The following DMD variants were observed in gnomAD, a reference collection of about 807,000 sequenced individuals.
DMD encodes mutant dystrophin.
Under a neutral mutation model 330.1 loss-of-function variants are expected in DMD, and 63 were observed. That is an observed-to-expected ratio of 0.19 (90% CI 0.16 to 0.24). The LOEUF (loss-of-function observed/expected upper bound fraction) is 0.24, where lower values mean the gene tolerates loss of function less well. Ranked by LOEUF, DMD falls within the 10% of genes least tolerant of loss-of-function variation. DMD has a pLI of 1.00. For synonymous variants in DMD, 1,223 were observed against 959.8 expected (o/e 1.27, Z -5.07); for missense variants, 3,344 against 2,684.1 (o/e 1.25, Z -5.43).
chrX:31,827,920 C>T (rs915749091), intron 49 of DMD, among the ~76,000 whole-genome samples: 6 of 111,494 alleles, frequency 5.4e-5, no homozygotes, highest in Non-Finnish European at 1.1e-4. Context: ...AAAAACAGTG[C>T]TAAGAGGAAA....
intron 53 of DMD, among the ~76,000 whole-genome samples, chrX:31,658,952 T>C (rs1476377365): frequency 3.6e-5 from 4 of 111,708 alleles, no homozygotes; most frequent in Non-Finnish European, 7.5e-5. Context: ...TCAAATTCAA[T>C]AGGATGGGTT....
intron 43 of DMD, among the ~76,000 whole-genome samples, chrX:32,254,191 G>A (rs759703188): frequency 3.6e-5 from 4 of 111,092 alleles, no homozygotes; most frequent in African/African-American, 9.8e-5. Context: ...ACAAGCATGC[G>A]CCAACACGCC....
intron 2 of DMD, among the ~76,000 whole-genome samples, chrX:32,859,496 CACACACACACACACAA>C (rs1358168823): frequency 2.6e-4 from 22 of 85,898 alleles, no homozygotes; most frequent in African/African-American, 1.1e-3. Flanking sequence ...CACACACACA[CACACACACACACACAA>C]GTTAAAGTCT....
At chrX:31,378,706 C>A (rs1012039168) in intron 60 of DMD, among the ~76,000 whole-genome samples, 1 of 108,879 alleles carries the variant, frequency 9.2e-6, no homozygotes, top group African/African-American at 3.4e-5. Flanking sequence ...GGGACAAGAA[C>A]CCCCCACCCC....
At chrX:31,954,550 T>C (rs896145324) in intron 45 of DMD, among the ~76,000 whole-genome samples, 3 of 111,801 alleles carry the variant, frequency 2.7e-5, no homozygotes, top group African/African-American at 9.8e-5. Context: ...TGGGATATTA[T>C]TCAGCCATAC....
At chrX:33,050,807 A>G (rs1261195602) in intron 1 of DMD, among the ~76,000 whole-genome samples, 1 of 112,296 alleles carries the variant, frequency 8.9e-6, no homozygotes, top group Non-Finnish European at 1.9e-5. Context: ...ACAAGATAAA[A>G]ATGTGTTTCT....
chrX:32,315,997 A>G, intron 41 of DMD, among the ~76,000 whole-genome samples: 3 of 111,644 alleles, frequency 2.7e-5, no homozygotes, highest in Middle Eastern at 9.1e-3. Flanking sequence ...TAAATAATGA[A>G]GAAGCTCTTA....
chrX:32,615,185 G>A (rs142804586), intron 11 of DMD, among the ~76,000 whole-genome samples: 1,790 of 111,288 alleles, frequency 0.016, 34 homozygotes, highest in African/African-American at 0.056. Context: ...AGATCATGAC[G>A]CAATTATAAA....
intron 56 of DMD, among the ~76,000 whole-genome samples, chrX:31,500,648 CT>C (rs2070342322): frequency 8.9e-6 from 1 of 112,021 alleles, no homozygotes; most frequent in Non-Finnish European, 1.9e-5. Flanking sequence ...GGAATATCTC[CT>C]CCTGAAAATG....
intron 41 of DMD, among the ~76,000 whole-genome samples, chrX:32,310,753 C>T (rs979509829): frequency 1.8e-5 from 2 of 110,557 alleles, no homozygotes; most frequent in African/African-American, 6.6e-5. Context: ...ACAACAGATA[C>T]GAAGTAGTTA....
At position 32,189,207 on chromosome X, in the gene DMD, A is replaced by G. The variant is rs187175046; in HGVS notation, c.6438+27709T>C. Among the ~76,000 whole-genome samples, 468 of 109,995 alleles carry G rather than the reference A, an allele frequency of 4.3e-3. 3 individuals carry two copies. Among genetic ancestry groups the G allele is most frequent in the African/African-American group, 0.015 (441 of 30,412 alleles). On this transcript the variant is annotated intron_variant, in intron 44 of 78. Coordinates refer to ENST00000357033, the MANE Select transcript of DMD (RefSeq NM_004006.3). ...TAAAAATATTTCTTCTTTCCTTTTGAGGTTATCATTACTATTATTATTTTA... is the reference window on the plus strand; with the variant it reads ...TAAAAATATTTCTTCTTTCCTTTTGGGGTTATCATTACTATTATTATTTTA...
chrX:32,744,525 T>C (rs1352869701), intron 7 of DMD, among the ~76,000 whole-genome samples: 1 of 111,580 alleles, frequency 9.0e-6, no homozygotes, highest in Admixed American at 9.6e-5. Flanking sequence ...GGTGGCCTAG[T>C]AGACATTTTA....
intron 16 of DMD, among the ~76,000 whole-genome samples, chrX:32,558,517 G>A (rs12010166): frequency 0.026 from 2,849 of 111,455 alleles, 79 homozygotes; most frequent in African/African-American, 0.088. Flanking sequence ...TGAATACAGT[G>A]TAATAATTTC....
intron 30 of DMD, among the ~76,000 whole-genome samples, chrX:32,395,893 C>T (rs1464541783): frequency 9.0e-6 from 1 of 111,006 alleles, no homozygotes; most frequent in Non-Finnish European, 1.9e-5. Context: ...GTTTCAGTGC[C>T]TCTCACTTGC....
At chrX:33,125,054 T>A (rs2095454965) in intron 1 of DMD, among the ~76,000 whole-genome samples, 1 of 106,598 alleles carries the variant, frequency 9.4e-6, no homozygotes, top group Non-Finnish European at 1.9e-5. Context: ...AAAAAAGGCT[T>A]TATTTTTATG....
Position 32,595,948 on chromosome X carries a change from A to G in DMD, c.1483-72T>C, listed in dbSNP as rs17309542. ...TGTGTGTTGAAATGATTTGCTCTCA[A>G]ATGGTGAAATTTATTTCTGCTACAT... On this transcript the variant is annotated intron_variant, in intron 12 of 78. Transcript: ENST00000357033. 88,457 of 945,347 alleles carry G rather than the reference A, an allele frequency of 0.094. 3,134 individuals carry two copies. The highest frequency in any genetic ancestry group is 0.15 in the Middle Eastern group (567 of 3,712). 77.9% of individuals were successfully genotyped at this position (945,347 alleles called of 1,213,427 possible). A position where few individuals can be genotyped will look rare whatever the true frequency, so the allele number is the denominator to read the frequency against.
At chrX:32,982,458 G>A (rs1234607137) in intron 2 of DMD, among the ~76,000 whole-genome samples, 1 of 111,865 alleles carries the variant, frequency 8.9e-6, no homozygotes, top group Admixed American at 9.6e-5. Context: ...AATATAAACA[G>A]TTTTTTAAAA....
chrX:32,727,831 A>C (rs1002387792), intron 7 of DMD, among the ~76,000 whole-genome samples: 84 of 109,715 alleles, frequency 7.7e-4, no homozygotes, highest in Non-Finnish European at 9.3e-4. Flanking sequence ...GACTGCTGTA[A>C]AACATGATTA....
intron 44 of DMD, among the ~76,000 whole-genome samples, chrX:32,098,951 G>T: frequency 8.9e-6 from 1 of 111,881 alleles, no homozygotes; most frequent in Non-Finnish European, 1.9e-5. Context: ...AAAAGTTCCA[G>T]AATCGTCATC....
Sources: allele counts gnomAD v4.1 joint callset (sites outside exome capture counted in the v4.1 genomes callset), GRCh38; gene constraint gnomAD v4.1.1; transcripts MANE v1.5; gene names NCBI Gene and HGNC (gene_info 2026-07-23, HGNC 2026-07-21).